IL2RB: variants seen among roughly 807,000 people sequenced by gnomAD.
IL2RB encodes interleukin-2 receptor subunit beta.
A neutral mutation model predicts 44.2 loss-of-function variants in IL2RB; 17 were observed. The ratio of observed to expected loss-of-function variants is 0.38; its 90% CI spans 0.26 to 0.58. The LOEUF is 0.58. Among genes scored for constraint, IL2RB ranks in the 20% least tolerant of loss-of-function variants. The pLI is 0.63. For synonymous variants in IL2RB, 286 were observed against 297.9 expected (o/e 0.96, Z 0.41); for missense variants, 624 against 685.5 (o/e 0.91, Z 1.00).
intron 1 of IL2RB, among the ~76,000 whole-genome samples, chr22:37,146,821 A>T (rs73887544): frequency 0.04 from 6,148 of 152,248 alleles, 440 homozygotes; most frequent in African/African-American, 0.14. Context: ...ACGGCAAAAA[A>T]AAAAAAGCAG....
chr22:37,150,397 C>A (rs1262019067), upstream of IL2RB, among the ~76,000 whole-genome samples: 1 of 152,136 alleles, frequency 6.6e-6, no homozygotes, highest in Non-Finnish European at 1.5e-5. Context: ...TTCCAGGAAG[C>A]CCCTTACTCC....
intron 1 of IL2RB, among the ~76,000 whole-genome samples, chr22:37,155,896 C>T (rs1922663958): frequency 6.6e-6 from 1 of 152,222 alleles, no homozygotes; most frequent in Non-Finnish European, 1.5e-5. Flanking sequence ...TCCATGCACC[C>T]AGTCCCACAG....
chr22:37,165,409 G>T (rs1470915980), intron 1 of IL2RB, among the ~76,000 whole-genome samples: 1 of 152,170 alleles, frequency 6.6e-6, no homozygotes, highest in Non-Finnish European at 1.5e-5. Context: ...ATTTTCCCAG[G>T]CATGGAAGGT....
At chr22:37,170,249 G>T (rs1353513914) in intron 1 of IL2RB, among the ~76,000 whole-genome samples, 1 of 152,176 alleles carries the variant, frequency 6.6e-6, no homozygotes, top group East Asian at 1.9e-4. Context: ...CAAAGCAGCT[G>T]CAGGAAGTTT....
chr22:37,166,712 C>G (rs1029019459), intron 1 of IL2RB: 8 of 152,218 alleles, frequency 5.3e-5, no homozygotes, highest in African/African-American at 1.9e-4. Context: ...GAGGGCAGTG[C>G]GCGCACCTCC....
intron 1 of IL2RB, among the ~76,000 whole-genome samples, chr22:37,169,124 G>T (rs1923179796): frequency 6.6e-6 from 1 of 151,672 alleles, no homozygotes; most frequent in Non-Finnish European, 1.5e-5. Flanking sequence ...TTTCAGAGGG[G>T]TTCTTGCTTA....
intron 5 of IL2RB, among the ~76,000 whole-genome samples, chr22:37,138,516 T>C (rs561356897): frequency 2.6e-5 from 4 of 152,294 alleles, no homozygotes; most frequent in African/African-American, 9.6e-5. Context: ...AGGCAGTCGC[T>C]CAGGCATTCA....
intron 9 of IL2RB, among the ~76,000 whole-genome samples, chr22:37,129,226 T>G (rs1201098716): frequency 1.3e-5 from 2 of 152,196 alleles, no homozygotes; most frequent in Admixed American, 6.5e-5. Flanking sequence ...TAGTGGGCAC[T>G]AGCACAAGTG....
chr22:37,151,030 A>G (rs542512038), upstream of IL2RB, among the ~76,000 whole-genome samples: 223 of 152,328 alleles, frequency 1.5e-3, 1 homozygote, highest in African/African-American at 5.2e-3. Flanking sequence ...GTGCTGCAAC[A>G]AATGTGGGAA....
intron 1 of IL2RB, among the ~76,000 whole-genome samples, chr22:37,164,547 T>C (rs373552308): frequency 2.2e-4 from 34 of 152,058 alleles, no homozygotes; most frequent in Middle Eastern, 6.8e-3. Context: ...GTTGTGAAGC[T>C]CACACCAAGC....
intron 9 of IL2RB, among the ~76,000 whole-genome samples, chr22:37,130,479 G>A (rs1411422089): frequency 6.6e-6 from 1 of 152,220 alleles, no homozygotes; most frequent in African/African-American, 2.4e-5. Flanking sequence ...TGGCCCCTGT[G>A]GGTCCTAGGG....
In IL2RB at chr22:37,128,301, TC is replaced by T. The variant is rs1921224911; in HGVS notation, c.1450del (p.Asp484IlefsTer48). ...CACCAGCTCAGGGGGTGGCTGAAAATCCACCAGGTCTGGGACTCCTGGGGTG... is the reference window on the plus strand; with the variant it reads ...CACCAGCTCAGGGGGTGGCTGAAAATCACCAGGTCTGGGACTCCTGGGGTG... ...PPTPGVPDLV[D>X]FQPPPELVLR... On this transcript the variant is annotated frameshift_variant, in exon 10 of 10. Coordinates refer to ENST00000216223, the MANE Select transcript of IL2RB (RefSeq NM_000878.5). LOFTEE classifies it low-confidence loss of function (END_TRUNC). This position sits in a 1 kb window ranked among gnomAD's most constrained non-coding sequence, Gnocchi z 4.5. 1 of 1,495,800 alleles carries T rather than the reference TC, an allele frequency of 6.7e-7. No individual in the cohort carries two copies. The allele number at this position is 1,495,800 out of a possible 1,614,324, so 92.7% of individuals were successfully genotyped here.
chr22:37,138,273 C>A (rs1016565803), intron 5 of IL2RB, among the ~76,000 whole-genome samples: 1 of 152,334 alleles, frequency 6.6e-6, no homozygotes, highest in South Asian at 2.1e-4. Flanking sequence ...ACTTCTAAGA[C>A]TCTATAGAAC....
At chr22:37,136,468 C>CG in intron 6 of IL2RB, 75 bp from the exon 7 acceptor site, 1 of 1,431,244 alleles carries the variant, frequency 7.0e-7, no homozygotes, top group Non-Finnish European at 9.4e-7. Context: ...ATCACAGAAC[C>CG]CCCCCCCAAC....
chr22:37,132,247 A>C, intron 9 of IL2RB, 137 bp downstream of exon 9: 1 of 615,694 alleles, frequency 1.6e-6, no homozygotes, highest in Non-Finnish European at 2.9e-6. Flanking sequence ...TGGAGAAGAG[A>C]CCCATGCACA....
Position 37,139,819 on chromosome 22 carries a change from T to A in IL2RB, c.283-597A>T, listed in dbSNP as rs186105105. On this transcript the variant is annotated intron_variant, in intron 4 of 9. Coordinates refer to ENST00000216223, the MANE Select transcript of IL2RB (RefSeq NM_000878.5). ...CCTTAGCCCCTCAATGCACACAGCATCCATCCCATGGTATGGGTGGGAAGC... is the reference window on the plus strand; with the variant it reads ...CCTTAGCCCCTCAATGCACACAGCAACCATCCCATGGTATGGGTGGGAAGC... 3.0e-3 allele frequency among the ~76,000 whole-genome samples: 454 copies of A among 152,312 alleles called. 4 individuals carry two copies. The highest frequency in any genetic ancestry group is 0.011 in the African/African-American group (437 of 41,564).
Position 37,137,698 on chromosome 22 carries a change from G to A in IL2RB, c.426C>T (p.His142=), listed in dbSNP as rs1359108955. Residue 142 remains histidine (H), a synonymous_variant, in exon 6 of 10, where the codon CAC becomes CAT. Coordinates refer to ENST00000216223, the MANE Select transcript of IL2RB (RefSeq NM_000878.5). ...TTATGTTGCATCTGTGGGTCTCCAC[G>A]TGGACAACTTGGAGGGAGATGGGGG... ...LMAPISLQVV[H]VETHRCNISW... is the part of the protein sequence containing the mutation. 6 of 1,613,912 alleles carry A rather than the reference G, an allele frequency of 3.7e-6. No homozygotes were observed. The highest frequency in any genetic ancestry group is 2.2e-5 in the East Asian group (1 of 44,886).
At chr22:37,138,009 G>C (rs1323573771) in intron 5 of IL2RB, among the ~76,000 whole-genome samples, 1 of 152,104 alleles carries the variant, frequency 6.6e-6, no homozygotes, top group Non-Finnish European at 1.5e-5. Context: ...ATATGGTTTG[G>C]TTTCTTTACT....
At chr22:37,158,240 C>T (rs1013122509) in intron 1 of IL2RB, among the ~76,000 whole-genome samples, 2 of 152,136 alleles carry the variant, frequency 1.3e-5, no homozygotes, top group Admixed American at 6.5e-5. Context: ...TGGAATGCCA[C>T]GTAGCTATGC....
Sources: allele counts gnomAD v4.1 joint callset (sites outside exome capture counted in the v4.1 genomes callset), GRCh38; gene constraint gnomAD v4.1.1; non-coding constraint Gnocchi (gnomAD v3.1); transcripts MANE v1.5; gene names NCBI Gene and HGNC (gene_info 2026-07-23, HGNC 2026-07-21).